Variants in HERC1 observed in about 807,000 individuals in gnomAD.
HERC1 encodes probable E3 ubiquitin-protein ligase HERC1.
In HERC1, 160 loss-of-function variants were observed where a neutral mutation model predicts 554.3. The ratio of observed to expected loss-of-function variants is 0.29; its 90% CI spans 0.25 to 0.33. HERC1 has a LOEUF of 0.33. Among genes scored for constraint, HERC1 ranks in the 10% least tolerant of loss-of-function variants. The pLI, the probability that HERC1 is intolerant of heterozygous loss-of-function variation, is 1.00. For synonymous variants in HERC1, 2,175 were observed against 2,131.7 expected (o/e 1.02, Z -0.56); for missense variants, 4,919 against 5,918.5 (o/e 0.83, Z 5.54).
Position 63,641,572 on chromosome 15 carries a change from T to G in HERC1, c.11505A>C (p.Ala3835=). The G allele has an allele frequency of 6.2e-7, 1 of 1,607,120 alleles. No homozygotes were observed. The highest frequency in any genetic ancestry group is 1.7e-5 in the Admixed American group (1 of 59,002). The stretch of plus-strand genomic sequence containing the variant: ...ATCCCAGAACACCCTGCTGTTTCAA[T>G]GCTGTCCTACAGGTTGCCAAAACAT... ...ANHVLATCRT[A]LKQQGVLGLN... is the part of the protein sequence containing the mutation. The change falls in exon 60 of 78, where the codon GCA becomes GCC. Residue 3835 remains alanine (A), a synonymous_variant. Coordinates refer to ENST00000443617, the MANE Select transcript of HERC1 (RefSeq NM_003922.4).
At chr15:63,773,232 C>G (rs571377985) in intron 2 of HERC1, among the ~76,000 whole-genome samples, 4 of 152,132 alleles carry the variant, frequency 2.6e-5, no homozygotes, top group Non-Finnish European at 5.9e-5. Context: ...CACCTGAGGT[C>G]AGGAGTTCCA....
At chr15:63,703,301 G>A (rs1026499948) in intron 25 of HERC1, among the ~76,000 whole-genome samples, 2 of 152,154 alleles carry the variant, frequency 1.3e-5, no homozygotes, top group African/African-American at 4.8e-5. Flanking sequence ...GTTCAACAGC[G>A]TGAATCTTAG....
chr15:63,768,597 C>T lies in HERC1; in HGVS notation c.931-4406G>A, dbSNP rs565772029. ...TTATCTAAAAGCCAACTCTAGTGAT[C>T]ACCAAAACAAAAACAGGTAAGGAGT... On this transcript the variant is annotated intron_variant, in intron 2 of 77. Coordinates refer to ENST00000443617, the MANE Select transcript of HERC1 (RefSeq NM_003922.4). 2.6e-5 allele frequency among the ~76,000 whole-genome samples: 4 copies of T among 152,318 alleles called. No individual in the cohort carries two copies. In the East Asian group the frequency reaches 5.8e-4, roughly 22 times the overall value.
intron 17 of HERC1, 35 bp from the exon 18 acceptor site, chr15:63,725,548 C>T: frequency 6.5e-7 from 1 of 1,537,432 alleles, no homozygotes; most frequent in East Asian, 2.2e-5. Flanking sequence ...GTGTCTTTAT[C>T]TGGTACTTTT....
intron 24 of HERC1, among the ~76,000 whole-genome samples, chr15:63,710,219 C>T (rs2073224884): frequency 1.3e-5 from 2 of 152,162 alleles, no homozygotes; most frequent in African/African-American, 4.8e-5. Flanking sequence ...TGCAGTAAGA[C>T]AAGATGTTTG....
intron 24 of HERC1, 46 bp from the exon 25 acceptor site, chr15:63,706,877 T>C (rs1364618612): frequency 2.5e-6 from 3 of 1,210,566 alleles, no homozygotes; most frequent in Non-Finnish European, 3.5e-6. Flanking sequence ...TTGTGAAAAG[T>C]ATTTTAAGAT....
rs558586586 is a variant in HERC1, at chr15:63,791,101, C to T, written c.-26-15452G>A. ...ATAAAGTAGGTTTAATGGGTTTGTC[C>T]TTTCCTCGGACATACAGAAATTTGC... On this transcript the variant is annotated intron_variant, in intron 1 of 77. Transcript: ENST00000443617. Among the ~76,000 whole-genome samples, 18 of 152,220 alleles carry T rather than the reference C, an allele frequency of 1.2e-4. No homozygotes were observed. In the Middle Eastern group the frequency reaches 0.01, roughly 86 times the overall value.
chr15:63,705,301 A>G (rs1204780352), intron 25 of HERC1, among the ~76,000 whole-genome samples: 2 of 151,722 alleles, frequency 1.3e-5, no homozygotes, highest in African/African-American at 2.4e-5. Context: ...ATACAGGTGC[A>G]TGCATCCACG....
chr15:63,720,914 T>C (rs368770762), intron 19 of HERC1, among the ~76,000 whole-genome samples: 6 of 152,366 alleles, frequency 3.9e-5, no homozygotes, highest in East Asian at 3.9e-4. Flanking sequence ...ATTAAAATTA[T>C]GTTCATTTCA....
Position 63,758,505 on chromosome 15 carries a change from TAACTA to T in HERC1, c.1027-141_1027-137del, listed in dbSNP as rs1446869254. On this transcript the variant is annotated intron_variant, in intron 3 of 77. Coordinates refer to ENST00000443617, the MANE Select transcript of HERC1 (RefSeq NM_003922.4). The surrounding 1 kb of genome is among the most constrained non-coding windows in gnomAD (Gnocchi z 4.0). Reference sequence around the variant, plus strand: ...GCTCAAAGAACCTATTAAATAAAGATAACTAGACTATTTACTCATATGGAATAAAC... The same window carrying T: ...GCTCAAAGAACCTATTAAATAAAGATGACTATTTACTCATATGGAATAAAC... 1 of 594,920 alleles carries T rather than the reference TAACTA, an allele frequency of 1.7e-6. No individual in the cohort carries two copies. The highest frequency in any genetic ancestry group is 1.8e-5 in the African/African-American group (1 of 54,228). The allele number at this position is 594,920 out of a possible 1,614,324, so 36.9% of individuals were successfully genotyped here.
chr15:63,678,649 G>A (rs762549888), intron 36 of HERC1, among the ~76,000 whole-genome samples: 4 of 152,100 alleles, frequency 2.6e-5, no homozygotes, highest in Admixed American at 1.3e-4. Context: ...AGACCAAGCC[G>A]TATATGACTG....
chr15:63,723,524 C>T (rs2073910390), intron 18 of HERC1, among the ~76,000 whole-genome samples, 169 bp from the exon 19 acceptor site: 1 of 152,148 alleles, frequency 6.6e-6, no homozygotes, highest in Non-Finnish European at 1.5e-5. Flanking sequence ...GTAGTATCAA[C>T]CCTTTTACAT....
Position 63,675,088 on chromosome 15 carries a change from G to A in HERC1, c.7100C>T (p.Thr2367Ile), listed in dbSNP as rs1288087511. The A allele has an allele frequency of 1.3e-6, 2 of 1,595,070 alleles. No individual in the cohort carries two copies. The highest frequency in any genetic ancestry group is 1.7e-5 in the Admixed American group (1 of 57,352). Residue 2367 changes from threonine to isoleucine, a missense_variant, in exon 38 of 78, where the codon ACT (threonine) becomes ATT (isoleucine). Around this residue, in one of 11 missense-constraint regions of HERC1, gnomAD observed 1,963 missense variants for 2,228.6 expected, o/e 0.88. Coordinates refer to ENST00000443617, the MANE Select transcript of HERC1 (RefSeq NM_003922.4). ...SFPTFWSPSD[T>I]PLYNLEPCEP... ...ACAGGGTTCCAGATTATACAATGGA[G>A]TATCACTAGGCGACCAAAAAGTTGG... is the stretch of plus-strand genomic sequence containing the variant.
At position 63,662,873 on chromosome 15, in the gene HERC1, T is replaced by C. The variant is rs941026249; in HGVS notation, c.8901+111A>G. 13 of 749,544 alleles carry C rather than the reference T, an allele frequency of 1.7e-5. 1 individual carries two copies. The highest frequency in any genetic ancestry group is 1.3e-4 in the Admixed American group (5 of 37,872). The allele number at this position is 749,544 out of a possible 1,614,324, so 46.4% of individuals were successfully genotyped here. ...TAAATCCCCAAACCTCAGGATGAGA[T>C]AAAAGACTTTTTAGAGTGTTTCAAC... On this transcript the variant is annotated intron_variant, in intron 44 of 77. Coordinates refer to ENST00000443617, the MANE Select transcript of HERC1 (RefSeq NM_003922.4).
In HERC1 at chr15:63,643,047, G is replaced by A; in HGVS notation, c.11343C>T (p.Val3781=). Residue 3781 remains valine, a synonymous_variant, in exon 59 of 78, where the codon GTC becomes GTT. Transcript: ENST00000443617. The part of the protein sequence containing the change: ...MNIWSLRDGS[V]LQTVVIGSGA... Reference sequence around the variant, plus strand: ...CAGAGCCTATCACAACAGTTTGCAAGACAGAGCCATCCTAAAATGAGATAT... The same window carrying A: ...CAGAGCCTATCACAACAGTTTGCAAAACAGAGCCATCCTAAAATGAGATAT... 1 of 1,608,180 alleles carries A rather than the reference G, an allele frequency of 6.2e-7. No homozygotes were observed. The highest frequency in any genetic ancestry group is 8.5e-7 in the Non-Finnish European group (1 of 1,175,244).
At chr15:63,741,502 G>A (rs57652025) in intron 12 of HERC1, among the ~76,000 whole-genome samples, 1,883 of 151,844 alleles carry the variant, frequency 0.012, 36 homozygotes, top group African/African-American at 0.044. Flanking sequence ...TAGTAGATAC[G>A]GGGTTTCACC....
intron 46 of HERC1, among the ~76,000 whole-genome samples, chr15:63,660,256 G>A (rs1307694844): frequency 4.6e-5 from 7 of 152,154 alleles, no homozygotes; most frequent in Admixed American, 4.6e-4. Context: ...GGAGGCCGTG[G>A]CTGCAGTAAG....
At chr15:63,690,764 T>C (rs1299940250) in intron 31 of HERC1, 117 bp from the exon 32 acceptor site, 2 of 647,530 alleles carry the variant, frequency 3.1e-6, no homozygotes, top group Non-Finnish European at 5.6e-6. Context: ...ACAAACTTGA[T>C]TTCAAACTAT....
intron 1 of HERC1, among the ~76,000 whole-genome samples, chr15:63,822,077 T>C (rs1284364070): frequency 6.6e-6 from 1 of 152,118 alleles, no homozygotes; most frequent in East Asian, 1.9e-4. Context: ...AACAGAAGCC[T>C]GAATTATGTG....
Sources: allele counts gnomAD v4.1 joint callset (sites outside exome capture counted in the v4.1 genomes callset), GRCh38; gene constraint gnomAD v4.1.1; regional missense constraint gnomAD v4.1.1; non-coding constraint Gnocchi (gnomAD v3.1); transcripts MANE v1.5; gene names NCBI Gene and HGNC (gene_info 2026-07-23, HGNC 2026-07-21).